The following PNKP variants were observed in gnomAD, a reference collection of about 807,000 sequenced individuals.
PNKP encodes polynucleotide kinase 3'-phosphatase, also known as bifunctional polynucleotide phosphatase/kinase.
PNKP carries 82 observed loss-of-function variants against 66.2 expected under a neutral mutation model. The observed-to-expected ratio is 1.24, with a 90% CI of 1.04 to 1.49. PNKP has a LOEUF of 1.49. PNKP is among the 40% of genes most tolerant of loss of function. The pLI is 0.00. For missense variants in PNKP, 907 were observed against 706.8 expected, an observed-to-expected ratio of 1.28 and a Z score of -3.21; for synonymous variants, 412 against 298.9, an observed-to-expected ratio of 1.38 and a Z score of -3.90.
chr19:49,864,101 C>T, intron 6 of PNKP, 30 bp from the exon 7 acceptor site: 1 of 1,611,236 alleles, frequency 6.2e-7, no homozygotes, highest in Non-Finnish European at 8.5e-7. Context: ...ACCAGACGCT[C>T]TGCTCACCAG....
At chr19:49,865,855 C>A (rs2122341133) in intron 3 of PNKP, 1 of 234,350 alleles carries the variant, frequency 4.3e-6, no homozygotes. Context: ...CTCGGGTGAT[C>A]CGCCCGCCTA....
At position 49,865,619 on chromosome 19, in the gene PNKP, TTTTTTTC is replaced by T. The variant is rs1046721764; in HGVS notation, c.199-200_199-194del. ...TCCGAATCTTTTTTTTTTTTTTTTT[TTTTTTTC>T]CCCTGGAGATATAGGCTTGTTTTGT... On this transcript the variant is annotated intron_variant, in intron 3 of 16. Transcript: ENST00000322344. 5.7e-3 allele frequency: 2,724 copies of T among 480,932 alleles called. 1 individual carries two copies. The highest frequency in any genetic ancestry group is 0.012 in the Middle Eastern group (21 of 1,782). The allele number at this position is 480,932 out of a possible 1,614,324, so 29.8% of individuals were successfully genotyped here.
chr19:49,863,358 G>GCCTAGAGTCACCGC (rs1183175541), intron 8 of PNKP, among the ~76,000 whole-genome samples: 2 of 152,202 alleles, frequency 1.3e-5, no homozygotes, highest in East Asian at 1.9e-4. Context: ...CTGCCCATCC[G>GCCTAGAGTCACCGC]CCTAGAGTCA....
At position 49,862,694 on chromosome 19, in the gene PNKP, C is replaced by T; in HGVS notation, c.861G>A (p.Val287=). ...CAGCAGCCTCCAGGCCCTTACCTCC[C>T]ACAAAGATGCTGTCCCCGATGGATA... is the stretch of plus-strand genomic sequence containing the variant. ...TPISIGDSIF[V]GDAAGRPANW... The change falls in exon 9 of 17, where the codon GTG becomes GTA. Residue 287 remains valine (V), a synonymous_variant. Transcript: ENST00000322344. 2 of 1,614,152 alleles carry T rather than the reference C, an allele frequency of 1.2e-6. No homozygotes were observed. The highest frequency in any genetic ancestry group is 1.7e-6 in the Non-Finnish European group (2 of 1,179,988).
rs1393933092 is a variant in PNKP at position 49,864,274 on chromosome 19, C to CA, written c.579-39dup. 5.0e-6 allele frequency: 8 copies of CA among 1,612,724 alleles called. No homozygotes were observed. In the African/African-American group the frequency reaches 9.4e-5, roughly 19 times the overall value. On this transcript the variant is annotated intron_variant, in intron 5 of 16. Coordinates refer to ENST00000322344, the MANE Select transcript of PNKP (RefSeq NM_007254.4). ...TGAAGCGGCAGGGGTGACCCGGGGCCAGAGGTGGACTCCAGGCCTCACTCA... is the reference window on the plus strand; with the variant it reads ...TGAAGCGGCAGGGGTGACCCGGGGCCAAGAGGTGGACTCCAGGCCTCACTCA...
intron 13 of PNKP, 48 bp from the exon 14 acceptor site, chr19:49,861,929 G>A (rs1450477718): frequency 1.7e-5 from 27 of 1,578,696 alleles, no homozygotes; most frequent in Non-Finnish European, 2.3e-5. Context: ...CAGGGGGAGA[G>A]AAGACCCCGA....
chr19:49,867,234 C>A lies in PNKP; in HGVS notation c.-13-17G>T. On this transcript the variant is annotated splice_polypyrimidine_tract_variant and intron_variant, in intron 1 of 16. Coordinates refer to ENST00000322344, the MANE Select transcript of PNKP (RefSeq NM_007254.4). ...GGTGCCGGCCTGGGGAGCAGGTAAA[C>A]GGGCTTGAGCGGCGCACAGCCCCAA... 6.3e-7 allele frequency: 1 copy of A among 1,591,016 alleles called. No individual in the cohort carries two copies. The highest frequency in any genetic ancestry group is 8.6e-7 in the Non-Finnish European group (1 of 1,168,628).
Position 49,862,357 on chromosome 19 carries a change from C to A in PNKP, c.1029+14G>T, listed in dbSNP as rs1459896347. 6.6e-7 allele frequency: 1 copy of A among 1,523,538 alleles called. No homozygotes were observed. The highest frequency in any genetic ancestry group is 1.2e-5 in the South Asian group (1 of 83,458). 94.4% of individuals were successfully genotyped at this position (1,523,538 alleles called of 1,614,324 possible). A position where few individuals can be genotyped will look rare whatever the true frequency, so the allele number is the denominator to read the frequency against. On this transcript the variant is annotated intron_variant, in intron 11 of 16. Coordinates refer to ENST00000322344, the MANE Select transcript of PNKP (RefSeq NM_007254.4). ...CCTCCCATCCCCACCCCCACCCCCG[C>A]CCCAGGGCCTCACCGGATCAAAGGC... is the stretch of plus-strand genomic sequence containing the variant.
Position 49,864,492 on chromosome 19 carries a change from C to A in PNKP, c.499-89G>T, listed in dbSNP as rs2074803802. ...GCTGACTCACACCAACCCTGCCAGGCAGGGTGTTATCACTGCCATCTCACA... is the reference window on the plus strand; with the variant it reads ...GCTGACTCACACCAACCCTGCCAGGAAGGGTGTTATCACTGCCATCTCACA... On this transcript the variant is annotated intron_variant, in intron 4 of 16. Coordinates refer to ENST00000322344, the MANE Select transcript of PNKP (RefSeq NM_007254.4). 6 of 995,810 alleles carry A rather than the reference C, an allele frequency of 6.0e-6. No individual in the cohort carries two copies. In the African/African-American group the frequency reaches 7.9e-5, roughly 13 times the overall value. The allele number at this position is 995,810 out of a possible 1,614,324, so 61.7% of individuals were successfully genotyped here.
At position 49,865,422 on chromosome 19, in the gene PNKP, C is replaced by G. The variant is rs796052864; in HGVS notation, c.203G>C (p.Gly68Ala). ...GGTCCCGGTAGTTGAGGGGTTAACT[C>G]CCAGCTGCAGAAAGAGAGGGAGGAG... The part of the protein sequence containing the change: ...ETRTVAVKQL[G>A]VNPSTTGTQE... The change falls in exon 4 of 17, where the codon GGA becomes GCA. Residue 68 changes from glycine to alanine, a missense_variant. By Grantham distance (60) the Gly-to-Ala change is moderately conservative. Transcript: ENST00000322344. The G allele has an allele frequency of 1.9e-6, 3 of 1,602,558 alleles. No individual in the cohort carries two copies. Among genetic ancestry groups the G allele is most frequent in the African/African-American group, 1.3e-5 (1 of 74,626 alleles).
Position 49,861,776 on chromosome 19 carries a change from C to T in PNKP, c.1294G>A (p.Ala432Thr), listed in dbSNP as rs1568659001. Residue 432 changes from alanine to threonine, a missense_variant, in exon 14 of 17, where the codon GCC (alanine) becomes ACC (threonine). Ala to Thr is a moderately conservative substitution (Grantham distance 58). Coordinates refer to ENST00000322344, the MANE Select transcript of PNKP (RefSeq NM_007254.4). ...ACGGCCCCGCGGTCACGCTACCTGGCGCGGCTCGCGGCGTCTGGGTTTGTG... is the reference window on the plus strand; with the variant it reads ...ACGGCCCCGCGGTCACGCTACCTGGTGCGGCTCGCGGCGTCTGGGTTTGTG... ...DNTNPDAASR[A>T]RYVQCARAAG... 1.3e-6 allele frequency: 2 copies of T among 1,561,368 alleles called. No individual in the cohort carries two copies. Among genetic ancestry groups the T allele is most frequent in the African/African-American group, 1.4e-5 (1 of 73,184 alleles).
At chr19:49,864,546 C>G in intron 4 of PNKP, 143 bp from the exon 5 acceptor site, 1 of 736,214 alleles carries the variant, frequency 1.4e-6, no homozygotes, top group South Asian at 1.4e-5. Flanking sequence ...CAGAGCACCT[C>G]CATCTCAAGC....
In PNKP at chr19:49,861,773, T is replaced by G. The variant is rs1568658966; in HGVS notation, c.1297A>C (p.Arg433=). The stretch of plus-strand genomic sequence containing the variant: ...CCTACGGCCCCGCGGTCACGCTACC[T>G]GGCGCGGCTCGCGGCGTCTGGGTTT... The part of the protein sequence containing the change: ...NTNPDAASRA[R]YVQCARAAGV... The change falls in exon 14 of 17, where the codon AGG becomes CGG. Residue 433 remains arginine, a splice_region_variant and synonymous_variant. Coordinates refer to ENST00000322344, the MANE Select transcript of PNKP (RefSeq NM_007254.4). 6.4e-7 allele frequency: 1 copy of G among 1,570,374 alleles called. No individual in the cohort carries two copies. Among genetic ancestry groups the G allele is most frequent in the South Asian group, 1.2e-5 (1 of 86,070 alleles).
At chr19:49,867,408 C>T (rs999562944) in intron 1 of PNKP, 61 bp downstream of exon 1, 1 of 620,938 alleles carries the variant, frequency 1.6e-6, no homozygotes, top group African/African-American at 1.8e-5. Context: ...AGTTGCAATC[C>T]CCACTTTCCA....
chr19:49,861,740 G>A (rs967919895), intron 14 of PNKP, 32 bp downstream of exon 14: 11 of 1,554,756 alleles, frequency 7.1e-6, no homozygotes, highest in Admixed American at 1.9e-5. Context: ...CCACCCCGCC[G>A]CAGGCCACCT....
At position 49,867,056 on chromosome 19, in the gene PNKP, T is replaced by A. The variant is rs368359218; in HGVS notation, c.149A>T (p.Gln50Leu). The A allele has an allele frequency of 3.1e-6, 5 of 1,613,750 alleles. No homozygotes were observed. The highest frequency in any genetic ancestry group is 4.5e-5 in the East Asian group (2 of 44,882). Residue 50 changes from glutamine to leucine, a missense_variant and splice_region_variant, in exon 2 of 17, where the codon CAA becomes CTA. By Grantham distance (113) the Gln-to-Leu change is moderately radical. Coordinates refer to ENST00000322344, the MANE Select transcript of PNKP (RefSeq NM_007254.4). ...CCTCCAGCTCAGGCCCCGCTCACCT[T>A]GAGTTCTGGAGCACTTCCGGTCCGT... Reference protein sequence around the residue: ...QVTDRKCSRTQVELVADPETR... With the variant: ...QVTDRKCSRTLVELVADPETR...
Position 49,867,162 on chromosome 19 carries a change from G to T in PNKP, c.43C>A (p.Pro15Thr). ...EAPGRLWLESPPGGAPPIFLP... is the reference protein window; with the variant it reads ...EAPGRLWLESTPGGAPPIFLP... ...AAGATGGGGGGCGCTCCCCCAGGGG[G>T]GCTCTCGAGCCACAAGCGGCCCGGG... Residue 15 changes from proline (P) to threonine (T), a missense_variant, in exon 2 of 17, where the codon CCC becomes ACC. Coordinates refer to ENST00000322344, the MANE Select transcript of PNKP (RefSeq NM_007254.4). 5 of 1,611,288 alleles carry T rather than the reference G, an allele frequency of 3.1e-6. No individual in the cohort carries two copies. Among genetic ancestry groups the T allele is most frequent in the African/African-American group, 1.3e-5 (1 of 75,022 alleles).
chr19:49,866,369 C>A (rs2074820566), intron 3 of PNKP, 30 bp downstream of exon 3: 3 of 1,603,964 alleles, frequency 1.9e-6, no homozygotes, highest in South Asian at 1.1e-5. Context: ...CATCCCCAGG[C>A]CTTGCTGGCC....
Position 49,867,139 on chromosome 19 carries a change from G to C in PNKP, c.66C>G (p.Ile22Met), listed in dbSNP as rs1240949288. The change falls in exon 2 of 17, where the codon ATC becomes ATG. Residue 22 changes from isoleucine (I) to methionine (M), a missense_variant. Physicochemically the swap from Ile to Met is conservative, Grantham distance 10. Transcript: ENST00000322344. The stretch of plus-strand genomic sequence containing the variant: ...GGGCTTGCCCGTCCGAGGGCAGGAA[G>C]ATGGGGGGCGCTCCCCCAGGGGGGC... ...LESPPGGAPP[I>M]FLPSDGQALV... is the part of the protein sequence containing the mutation. 6.2e-7 allele frequency: 1 copy of C among 1,612,668 alleles called. No individual in the cohort carries two copies. Among genetic ancestry groups the C allele is most frequent in the Non-Finnish European group, 8.5e-7 (1 of 1,179,732 alleles).
Sources: allele counts gnomAD v4.1 joint callset (sites outside exome capture counted in the v4.1 genomes callset), GRCh38; gene constraint gnomAD v4.1.1; transcripts MANE v1.5; gene names NCBI Gene and HGNC (gene_info 2026-07-23, HGNC 2026-07-21).